UBAP1: variants seen among roughly 807,000 people sequenced by gnomAD.
UBAP1 encodes the protein ubiquitin-associated protein 1.
A neutral mutation model predicts 39.0 loss-of-function variants in UBAP1; 5 were observed. The ratio of observed to expected loss-of-function variants is 0.13; its 90% CI spans 0.07 to 0.27. UBAP1 has a LOEUF of 0.27. Ranked by LOEUF, UBAP1 falls within the 10% of genes least tolerant of loss-of-function variation. The probability of loss-of-function intolerance (pLI) is 1.00; values close to 1 mark genes in which losing one functional copy is unlikely to be tolerated. For missense variants in UBAP1, 490 were observed against 608.1 expected, an observed-to-expected ratio of 0.81 and a Z score of 2.04; for synonymous variants, 211 against 225.1, an observed-to-expected ratio of 0.94 and a Z score of 0.56.
chr9:34,246,030 C>T (rs1489000197), intron 4 of UBAP1, among the ~76,000 whole-genome samples: 2 of 152,184 alleles, frequency 1.3e-5, no homozygotes, highest in Non-Finnish European at 1.5e-5. Flanking sequence ...ATATTGTCCA[C>T]TGCTACCCCC....
intron 1 of UBAP1, among the ~76,000 whole-genome samples, chr9:34,201,835 T>C (rs539632430): frequency 3.9e-5 from 6 of 152,284 alleles, no homozygotes; most frequent in African/African-American, 1.4e-4. Context: ...GGGCCTCAAG[T>C]GCTTCTGACC....
At chr9:34,195,928 T>G (rs13288371) in intron 1 of UBAP1, among the ~76,000 whole-genome samples, 7 of 13,520 alleles carry the variant, frequency 5.2e-4, no homozygotes, top group African/African-American at 8.9e-4. Context: ...AATTTTTTGG[T>G]TTTTTTTTTT....
intron 2 of UBAP1, chr9:34,224,095 A>G: frequency 1.3e-6 from 1 of 746,298 alleles, no homozygotes; most frequent in Non-Finnish European, 2.1e-6. Flanking sequence ...TGATGCACGC[A>G]AGAAGCTTGC....
intron 1 of UBAP1, among the ~76,000 whole-genome samples, chr9:34,212,847 A>T (rs1587830384): frequency 1.3e-5 from 2 of 152,330 alleles, no homozygotes; most frequent in African/African-American, 4.8e-5. Flanking sequence ...TGCCTAATTC[A>T]TTGTATAAAG....
At chr9:34,221,577 G>C (rs1373782541) in intron 2 of UBAP1, among the ~76,000 whole-genome samples, 1 of 149,830 alleles carries the variant, frequency 6.7e-6, no homozygotes, top group South Asian at 2.1e-4. Flanking sequence ...CTGTTCCTTG[G>C]TCATAGCTCT....
chr9:34,248,444 T>C (rs1490559559), intron 4 of UBAP1, among the ~76,000 whole-genome samples: 1 of 152,216 alleles, frequency 6.6e-6, no homozygotes, highest in Non-Finnish European at 1.5e-5. Flanking sequence ...AGAATAGTCC[T>C]GACTCCTTCC....
intron 2 of UBAP1, among the ~76,000 whole-genome samples, chr9:34,226,564 C>T (rs1386058463): frequency 1.3e-5 from 2 of 152,106 alleles, no homozygotes; most frequent in African/African-American, 4.8e-5. Flanking sequence ...TAAAAATTAG[C>T]CAGGTGTGGT....
chr9:34,226,274 T>C (rs985730621), intron 2 of UBAP1, among the ~76,000 whole-genome samples: 1 of 147,332 alleles, frequency 6.8e-6, no homozygotes, highest in Admixed American at 6.9e-5. Flanking sequence ...CTGTCGCCCA[T>C]GCTGGAGTGC....
At chr9:34,188,382 C>A (rs1830526075) in intron 1 of UBAP1, among the ~76,000 whole-genome samples, 1 of 145,704 alleles carries the variant, frequency 6.9e-6, no homozygotes, top group African/African-American at 2.5e-5. Flanking sequence ...TAGAAGAGAG[C>A]AACAAAGTAA....
intron 1 of UBAP1, among the ~76,000 whole-genome samples, chr9:34,218,946 A>T (rs1353324542): frequency 1.3e-5 from 2 of 152,182 alleles, no homozygotes; most frequent in Non-Finnish European, 2.9e-5. Flanking sequence ...TTCTGCACAT[A>T]TAAAAAGGTT....
Position 34,250,775 on chromosome 9 carries a change from T to C in UBAP1, c.1368+16T>C, listed in dbSNP as rs1388311723. ...AGAAGAAAAGGTGGGAATCTTCATG[T>C]TTCTTGGGAACCCTCTGGAAAAGGA... On this transcript the variant is annotated intron_variant, in intron 6 of 6. Coordinates refer to ENST00000297661, the MANE Select transcript of UBAP1 (RefSeq NM_016525.5). 6.2e-7 allele frequency: 1 copy of C among 1,605,158 alleles called. No individual in the cohort carries two copies. The highest frequency in any genetic ancestry group is 2.2e-5 in the East Asian group (1 of 44,782).
chr9:34,250,479 A>G (rs532128947), intron 5 of UBAP1, among the ~76,000 whole-genome samples, 179 bp from the exon 6 acceptor site: 31 of 152,316 alleles, frequency 2.0e-4, no homozygotes, highest in African/African-American at 6.3e-4. Flanking sequence ...TGTGTTCATT[A>G]AAGAGTCACT....
Position 34,215,690 on chromosome 9 carries a change from TA to T in UBAP1, c.-7-5211del, listed in dbSNP as rs531313913. ...CAATAACTTATGGAAAAATAAATAA[TA>T]AAAAAAGGGTTTAAAAAAGTATAGG... On this transcript the variant is annotated intron_variant, in intron 1 of 6. Coordinates refer to ENST00000297661, the MANE Select transcript of UBAP1 (RefSeq NM_016525.5). 6.8e-3 allele frequency among the ~76,000 whole-genome samples: 1,026 copies of T among 150,982 alleles called. 10 individuals carry two copies. The highest frequency in any genetic ancestry group is 9.2e-3 in the Non-Finnish European group (623 of 67,722).
In UBAP1 at chr9:34,241,403, C is replaced by T. The variant is rs759859453; in HGVS notation, c.378C>T (p.His126=). The change falls in exon 4 of 7, where the codon CAC becomes CAT. Residue 126 remains histidine (H), a synonymous_variant. Coordinates refer to ENST00000297661, the MANE Select transcript of UBAP1 (RefSeq NM_016525.5). ...ACCCCATCCTCGCCAGCTTGCAGCA[C>T]AACAGCATCCTCACACCAACTCGGG... ...PINPILASLQ[H]NSILTPTRVS... The T allele has an allele frequency of 6.3e-7, 1 of 1,576,218 alleles. No individual in the cohort carries two copies. Among genetic ancestry groups the T allele is most frequent in the South Asian group, 1.2e-5 (1 of 82,928 alleles).
intron 1 of UBAP1, among the ~76,000 whole-genome samples, chr9:34,216,787 C>T (rs951525248): frequency 1.3e-5 from 2 of 151,070 alleles, no homozygotes; most frequent in African/African-American, 4.9e-5. Context: ...GCTGGGACTA[C>T]AGGTGCGTAC....
chr9:34,191,042 T>C (rs777152092), intron 1 of UBAP1, among the ~76,000 whole-genome samples: 3 of 152,118 alleles, frequency 2.0e-5, no homozygotes, highest in African/African-American at 4.8e-5. Flanking sequence ...TAAGAAATTA[T>C]GTTTAGGTGC....
chr9:34,229,777 T>C (rs1055538643), intron 2 of UBAP1, among the ~76,000 whole-genome samples: 5 of 152,100 alleles, frequency 3.3e-5, no homozygotes, highest in African/African-American at 1.2e-4. Context: ...GACCTCATGA[T>C]CTGCTTGCCT....
At chr9:34,242,176 T>G in intron 4 of UBAP1, 68 bp downstream of exon 4, 1 of 1,475,734 alleles carries the variant, frequency 6.8e-7, no homozygotes, top group Non-Finnish European at 9.1e-7. Context: ...TTTTTCTTGT[T>G]GTTTGGTTGA....
intron 3 of UBAP1, among the ~76,000 whole-genome samples, chr9:34,237,276 T>TAA (rs1390088452): frequency 6.6e-6 from 1 of 152,170 alleles, no homozygotes; most frequent in Admixed American, 6.6e-5. Context: ...TCAAGGTACT[T>TAA]ACAGTTGAGA....
Sources: gnomAD v4.1 joint callset for allele counts (sites outside exome capture counted in the v4.1 genomes callset) on GRCh38, gnomAD v4.1.1 for gene constraint, MANE v1.5 for transcripts, NCBI Gene and HGNC (gene_info 2026-07-23, HGNC 2026-07-21) for gene names.